The following CHM variants were observed in gnomAD, a reference collection of about 807,000 sequenced individuals.
CHM encodes rab proteins geranylgeranyltransferase component A 1.
In CHM, 10 loss-of-function variants were observed where a neutral mutation model predicts 49.0. The observed-to-expected ratio is 0.20, with a 90% CI of 0.13 to 0.35. The LOEUF is 0.35. Ranked by LOEUF, CHM falls within the 10% of genes least tolerant of loss-of-function variation. The probability of loss-of-function intolerance (pLI) is 1.00; values close to 1 mark genes in which losing one functional copy is unlikely to be tolerated. For synonymous variants in CHM, 184 were observed against 167.5 expected (o/e 1.10, Z -0.76); for missense variants, 455 against 478.4 (o/e 0.95, Z 0.46).
chrX:85,971,544 G>C (rs1309708116), intron 4 of CHM: 3 of 284,561 alleles, frequency 1.1e-5, no homozygotes, highest in Non-Finnish European at 1.3e-5. Flanking sequence ...TGAAGCTGCA[G>C]ATCTTCGCGG....
intron 5 of CHM, among the ~76,000 whole-genome samples, chrX:85,960,715 C>T (rs1930249532): frequency 9.0e-6 from 1 of 111,269 alleles, no homozygotes; most frequent in Admixed American, 9.6e-5. Context: ...ACTGAGCCAC[C>T]ACGCTCAGCC....
Position 85,956,331 on chromosome X carries a change from T to C in CHM, c.988A>G (p.Thr330Ala). The C allele has an allele frequency of 8.3e-7, 1 of 1,211,076 alleles. No individual in the cohort carries two copies. Among genetic ancestry groups the C allele is most frequent in the South Asian group, 1.8e-5 (1 of 56,944 alleles). Residue 330 changes from threonine (T) to alanine (A), a missense_variant, in exon 8 of 15, where the codon ACC becomes GCC. Transcript: ENST00000357749. ...ATGACAATATATTGGAGGTTGGGGG[T>C]TAATTTTTGAGTCTTTAAATATTCA... is the stretch of plus-strand genomic sequence containing the variant. ...FYEYLKTQKL[T>A]PNLQYIVMHS...
chrX:85,903,342 G>A (rs1248649546), intron 9 of CHM, among the ~76,000 whole-genome samples: 1 of 111,130 alleles, frequency 9.0e-6, no homozygotes, highest in African/African-American at 3.3e-5. Flanking sequence ...AGACCTGAGT[G>A]TAAGTCTTTA....
intron 8 of CHM, among the ~76,000 whole-genome samples, chrX:85,928,852 ATAT>A (rs1250648266): frequency 1.8e-5 from 2 of 111,531 alleles, no homozygotes; most frequent in African/African-American, 3.3e-5. Context: ...GGACATTGAT[ATAT>A]TATTATTATT....
chrX:85,979,886 A>G (rs936061991), intron 3 of CHM, among the ~76,000 whole-genome samples: 52 of 111,376 alleles, frequency 4.7e-4, no homozygotes, highest in African/African-American at 1.5e-3. Flanking sequence ...TATCAAGTAT[A>G]ATATTAGATA....
At chrX:85,938,543 T>A (rs923359973) in intron 8 of CHM, among the ~76,000 whole-genome samples, 1 of 107,015 alleles carries the variant, frequency 9.3e-6, no homozygotes, top group African/African-American at 3.4e-5. Context: ...TGGTTCCTAA[T>A]CTTTTTTTTT....
At chrX:85,978,421 G>A (rs930781449) in intron 4 of CHM, among the ~76,000 whole-genome samples, 1 of 111,487 alleles carries the variant, frequency 9.0e-6, no homozygotes, top group Non-Finnish European at 1.9e-5. Context: ...ACCAAGCCAC[G>A]TGACCTTCTG....
intron 2 of CHM, among the ~76,000 whole-genome samples, chrX:86,025,490 G>A (rs1212427514): frequency 9.1e-6 from 1 of 109,788 alleles, no homozygotes; most frequent in African/African-American, 3.3e-5. Context: ...AGCCTGGGTA[G>A]CATAGCGAGA....
chrX:85,902,562 T>C (rs771862243), intron 9 of CHM, among the ~76,000 whole-genome samples: 2 of 111,572 alleles, frequency 1.8e-5, no homozygotes, highest in African/African-American at 6.5e-5. Flanking sequence ...CTCCACCTTC[T>C]TTCTCTTCTA....
At chrX:85,927,577 T>C (rs1366397472) in intron 8 of CHM, among the ~76,000 whole-genome samples, 2 of 112,530 alleles carry the variant, frequency 1.8e-5, no homozygotes, top group African/African-American at 6.5e-5. Context: ...ATCTTTACAG[T>C]ATATTATTCA....
intron 2 of CHM, among the ~76,000 whole-genome samples, chrX:86,018,909 A>G (rs1299293769): frequency 8.9e-6 from 1 of 112,352 alleles, no homozygotes; most frequent in Non-Finnish European, 1.9e-5. Context: ...GGAGGTAGAT[A>G]CAGTTATAAA....
chrX:85,964,332 A>C (rs1930464880), intron 4 of CHM, among the ~76,000 whole-genome samples: 1 of 110,744 alleles, frequency 9.0e-6, no homozygotes, highest in Non-Finnish European at 1.9e-5. Context: ...CTTGGTTCAA[A>C]CCCTGACCAT....
chrX:86,035,736 G>GGAT (rs1169734223), intron 1 of CHM, among the ~76,000 whole-genome samples: 1 of 109,673 alleles, frequency 9.1e-6, no homozygotes, highest in Non-Finnish European at 1.9e-5. Flanking sequence ...TAACAGGGTT[G>GGAT]GATGGTGAAA....
At chrX:85,987,579 G>A (rs1409537944) in intron 2 of CHM, among the ~76,000 whole-genome samples, 1 of 111,802 alleles carries the variant, frequency 8.9e-6, no homozygotes, top group Non-Finnish European at 1.9e-5. Context: ...CCAGGAGTTG[G>A]CTTTTTGAAA....
chrX:85,918,825 A>G lies in CHM; in HGVS notation c.1167-7487T>C, dbSNP rs144311894. On this transcript the variant is annotated intron_variant, in intron 8 of 14. Coordinates refer to ENST00000357749, the MANE Select transcript of CHM (RefSeq NM_000390.4). ...AATGATAAAGGTTTCAATTCAATAA[A>G]AAGACTTAACTATCCTAAATGCACC... Among the ~76,000 whole-genome samples the G allele has an allele frequency of 2.7e-3, 302 of 112,109 alleles. 1 individual carries two copies. Among genetic ancestry groups the G allele is most frequent in the African/African-American group, 9.3e-3 (287 of 30,851 alleles).
intron 12 of CHM, among the ~76,000 whole-genome samples, chrX:85,888,891 GTAC>G (rs1253943084): frequency 1.8e-5 from 2 of 111,745 alleles, no homozygotes; most frequent in East Asian, 2.8e-4. Context: ...AACCATTTTT[GTAC>G]TACATTTATT....
chrX:86,011,576 A>C (rs1257135009), intron 2 of CHM, among the ~76,000 whole-genome samples: 1 of 111,800 alleles, frequency 8.9e-6, no homozygotes, highest in Non-Finnish European at 1.9e-5. Flanking sequence ...ATAAACACAA[A>C]CATTGCTTTG....
intron 14 of CHM, among the ~76,000 whole-genome samples, chrX:85,872,078 C>G (rs1258381607): frequency 5.4e-5 from 6 of 111,655 alleles, no homozygotes; most frequent in Non-Finnish European, 7.5e-5. Flanking sequence ...AGAAAATACA[C>G]AAGAATTCTA....
At chrX:85,972,709 C>T (rs909895876) in intron 4 of CHM, among the ~76,000 whole-genome samples, 2 of 112,525 alleles carry the variant, frequency 1.8e-5, no homozygotes, top group East Asian at 2.9e-4. Context: ...GCAAGCGCCA[C>T]GCGCAGCCCC....
Sources: gnomAD v4.1 joint callset for allele counts (sites outside exome capture counted in the v4.1 genomes callset) on GRCh38, gnomAD v4.1.1 for gene constraint, MANE v1.5 for transcripts, NCBI Gene and HGNC (gene_info 2026-07-23, HGNC 2026-07-21) for gene names.